The following CSMD1 variants were observed in gnomAD, a reference collection of about 807,000 sequenced individuals.
CSMD1 encodes CUB and Sushi multiple domains 1, also known as CUB and sushi domain-containing protein 1.
Under a neutral mutation model 417.5 loss-of-function variants are expected in CSMD1, and 213 were observed. The observed-to-expected ratio is 0.51, with a 90% CI of 0.46 to 0.57. CSMD1 has a LOEUF of 0.57. Among genes scored for constraint, CSMD1 ranks in the 20% least tolerant of loss-of-function variants. The pLI is 0.00. For synonymous variants in CSMD1, 2,862 were observed against 1,736.8 expected (o/e 1.65, Z -16.11); for missense variants, 6,923 against 4,529.7 (o/e 1.53, Z -15.17).
chr8:4,004,601 T>C (rs376311035), intron 4 of CSMD1, among the ~76,000 whole-genome samples: 1 of 152,186 alleles, frequency 6.6e-6, no homozygotes, highest in Non-Finnish European at 1.5e-5. Context: ...ATTTTCCTTC[T>C]TTCCTTCATT....
intron 1 of CSMD1, among the ~76,000 whole-genome samples, chr8:4,841,120 G>C (rs552229889): frequency 1.3e-5 from 2 of 152,088 alleles, no homozygotes; most frequent in Non-Finnish European, 2.9e-5. Flanking sequence ...GAAACAATTG[G>C]TATTACAATC....
At chr8:4,805,479 C>A (rs1359552119) in intron 1 of CSMD1, among the ~76,000 whole-genome samples, 1 of 152,098 alleles carries the variant, frequency 6.6e-6, no homozygotes, top group African/African-American at 2.4e-5. Context: ...GTCGAGAAGT[C>A]AGCGAGTGAA....
chr8:3,842,455 A>T (rs987479485), intron 5 of CSMD1, among the ~76,000 whole-genome samples: 3 of 152,280 alleles, frequency 2.0e-5, no homozygotes, highest in South Asian at 2.1e-4. Flanking sequence ...AAATGATTTT[A>T]TTCTCATTGT....
Position 3,780,047 on chromosome 8 carries a change from T to A in CSMD1, c.819-26005A>T, listed in dbSNP as rs575682949. Among the ~76,000 whole-genome samples the A allele has an allele frequency of 1.4e-4, 22 of 152,350 alleles. No homozygotes were observed. The South Asian group carries it at 3.9e-3, about 27-fold the overall frequency. ...GGTATTCACACTCTACTTCTACTTT[T>A]GTGAGAAACATTCTTTAAAATTCTT... is the stretch of plus-strand genomic sequence containing the variant. On this transcript the variant is annotated intron_variant, in intron 5 of 69. Transcript: ENST00000635120.
At chr8:3,046,850 A>T (rs1202016603) in intron 50 of CSMD1, among the ~76,000 whole-genome samples, 3 of 152,248 alleles carry the variant, frequency 2.0e-5, no homozygotes, top group Non-Finnish European at 2.9e-5. Context: ...GATAAGGAAC[A>T]TAATATCTTC....
At chr8:3,166,718 G>C (rs886240462) in intron 37 of CSMD1, among the ~76,000 whole-genome samples, 1 of 151,924 alleles carries the variant, frequency 6.6e-6, no homozygotes, top group Non-Finnish European at 1.5e-5. Flanking sequence ...TATTTATATA[G>C]ACACAAAACA....
chr8:4,958,046 T>C (rs1809237352), intron 1 of CSMD1, among the ~76,000 whole-genome samples: 2 of 152,176 alleles, frequency 1.3e-5, no homozygotes, highest in South Asian at 4.1e-4. Flanking sequence ...ATCTTTAGCA[T>C]TCATTTGATA....
intron 23 of CSMD1, among the ~76,000 whole-genome samples, chr8:3,325,485 G>C (rs769834559): frequency 6.6e-6 from 1 of 152,082 alleles, no homozygotes; most frequent in South Asian, 2.1e-4. Flanking sequence ...CCAAGTACTG[G>C]TGGCCAACAA....
At chr8:3,077,983 C>T (rs555776843) in intron 49 of CSMD1, among the ~76,000 whole-genome samples, 3 of 152,318 alleles carry the variant, frequency 2.0e-5, no homozygotes, top group East Asian at 3.9e-4. Context: ...CATTTGCCTC[C>T]GTTTCCTTTA....
intron 2 of CSMD1, among the ~76,000 whole-genome samples, chr8:4,463,946 G>T (rs1005076802): frequency 6.6e-6 from 1 of 152,044 alleles, no homozygotes; most frequent in Non-Finnish European, 1.5e-5. Context: ...CAGGACTAGA[G>T]AACAGAGCGC....
chr8:3,960,579 T>C (rs1275925328), intron 5 of CSMD1, among the ~76,000 whole-genome samples: 1 of 152,072 alleles, frequency 6.6e-6, no homozygotes, highest in African/African-American at 2.4e-5. Flanking sequence ...TAATTACTGA[T>C]AAAGCAAAAA....
chr8:3,017,845 C>T (rs1477308423), intron 52 of CSMD1, among the ~76,000 whole-genome samples: 4 of 96,280 alleles, frequency 4.2e-5, no homozygotes, highest in African/African-American at 2.8e-4. Flanking sequence ...AGGAAGAACG[C>T]GTGGAGAAGG....
intron 3 of CSMD1, among the ~76,000 whole-genome samples, chr8:4,381,961 G>A (rs942937900): frequency 6.6e-6 from 1 of 152,088 alleles, no homozygotes; most frequent in Non-Finnish European, 1.5e-5. Context: ...ACTGCACTAA[G>A]TGGACACTCT....
At chr8:4,366,957 A>T (rs1584964616) in intron 3 of CSMD1, among the ~76,000 whole-genome samples, 2 of 151,858 alleles carry the variant, frequency 1.3e-5, no homozygotes, top group South Asian at 4.1e-4. Flanking sequence ...CCTTTGTTGG[A>T]TGTGTACTCT....
In CSMD1 at chr8:4,717,281, C is replaced by G. The variant is rs532251133; in HGVS notation, c.86-79723G>C. On this transcript the variant is annotated intron_variant, in intron 1 of 69. Transcript: ENST00000635120. The stretch of plus-strand genomic sequence containing the variant: ...AAAATAGGGCCTCAAAGAAGCATCT[C>G]TGACCCTGCCCTTCTCTCTCTCTCT... 2.4e-4 allele frequency among the ~76,000 whole-genome samples: 35 copies of G among 146,968 alleles called. No individual in the cohort carries two copies. In the South Asian group the frequency reaches 6.9e-3, roughly 29 times the overall value.
At chr8:3,978,853 C>A (rs543478453) in intron 5 of CSMD1, among the ~76,000 whole-genome samples, 2 of 152,090 alleles carry the variant, frequency 1.3e-5, no homozygotes, top group African/African-American at 4.8e-5. Context: ...CCCTTCCCAG[C>A]GCTCCCATTA....
At chr8:4,749,216 T>G (rs1054687284) in intron 1 of CSMD1, among the ~76,000 whole-genome samples, 1 of 152,262 alleles carries the variant, frequency 6.6e-6, no homozygotes, top group Admixed American at 6.5e-5. Flanking sequence ...ATCTGAAAAC[T>G]TTTTCATTAA....
chr8:4,767,110 G>T (rs769386105), intron 1 of CSMD1, among the ~76,000 whole-genome samples: 17 of 152,142 alleles, frequency 1.1e-4, no homozygotes, highest in Admixed American at 3.9e-4. Flanking sequence ...ATCTAAAAAT[G>T]ATTTGGATTT....
intron 1 of CSMD1, among the ~76,000 whole-genome samples, chr8:4,934,838 C>A (rs976600500): frequency 6.6e-6 from 1 of 152,106 alleles, no homozygotes; most frequent in Non-Finnish European, 1.5e-5. Context: ...TATCATCCAT[C>A]TATCAATCAA....
Sources: gnomAD v4.1 joint callset for allele counts (sites outside exome capture counted in the v4.1 genomes callset) on GRCh38, gnomAD v4.1.1 for gene constraint, MANE v1.5 for transcripts, NCBI Gene and HGNC (gene_info 2026-07-23, HGNC 2026-07-21) for gene names.